The following KANK1 variants were observed in gnomAD, a reference collection of about 807,000 sequenced individuals.
The protein encoded by KANK1 is KN motif and ankyrin repeat domain-containing protein 1.
Under a neutral mutation model 106.2 loss-of-function variants are expected in KANK1, and 109 were observed. The ratio of observed to expected loss-of-function variants is 1.03; its 90% CI spans 0.88 to 1.20. The LOEUF is 1.20. Among genes scored for constraint, KANK1 ranks in the 50% most tolerant of loss-of-function variants. The pLI, the probability that KANK1 is intolerant of heterozygous loss-of-function variation, is 0.00. For synonymous variants in KANK1, 873 were observed against 652.2 expected (o/e 1.34, Z -5.16); for missense variants, 2,399 against 1,710.7 (o/e 1.40, Z -7.10).
At position 732,470 on chromosome 9, in the gene KANK1, A is replaced by T; in HGVS notation, c.3098A>T (p.Glu1033Val). Residue 1033 changes from glutamate to valine, a missense_variant, in exon 6 of 12, where the codon GAA becomes GTA. Physicochemically the swap from Glu to Val is moderately radical, Grantham distance 121. Coordinates refer to ENST00000382297, the MANE Select transcript of KANK1 (RefSeq NM_015158.5). The stretch of plus-strand genomic sequence containing the variant: ...TGTGATGTCATTGAGTATCCTCTTG[A>T]AGAAGAGGAGGAGGAGGAGGATGAA... ...DECDVIEYPL[E>V]EEEEEEDEDT... 6.2e-7 allele frequency: 1 copy of T among 1,613,928 alleles called. No homozygotes were observed. Among genetic ancestry groups the T allele is most frequent in the Non-Finnish European group, 8.5e-7 (1 of 1,179,870 alleles).
At chr9:724,981 G>T (rs1314493527) in intron 3 of KANK1, among the ~76,000 whole-genome samples, 1 of 152,228 alleles carries the variant, frequency 6.6e-6, no homozygotes, top group Non-Finnish European at 1.5e-5. Flanking sequence ...CATATTTGCA[G>T]TTAGGGGACA....
intron 1 of KANK1, among the ~76,000 whole-genome samples, chr9:660,809 C>G (rs1263523122): frequency 1.3e-5 from 2 of 152,174 alleles, no homozygotes; most frequent in Admixed American, 6.5e-5. Flanking sequence ...TGTCTATAAC[C>G]TGACCAGGTG....
At chr9:736,100 G>A (rs183539001) in intron 7 of KANK1, among the ~76,000 whole-genome samples, 168 of 152,208 alleles carry the variant, frequency 1.1e-3, no homozygotes, top group Non-Finnish European at 1.7e-3. Context: ...TGGGACTACC[G>A]GCGTCCACCA....
At position 609,660 on chromosome 9, in the gene KANK1, A is replaced by G. The variant is rs559138436; in HGVS notation, c.-83-67230A>G. On this transcript the variant is annotated intron_variant, in intron 1 of 11. Coordinates refer to ENST00000382297, the MANE Select transcript of KANK1 (RefSeq NM_015158.5). The stretch of plus-strand genomic sequence containing the variant: ...AATAAATAAATAAAATAAAATAATG[A>G]ATAGACTCAATAGACATTGATCCTG... 3.1e-3 allele frequency among the ~76,000 whole-genome samples: 467 copies of G among 152,272 alleles called. 4 individuals carry two copies. Among genetic ancestry groups the G allele is most frequent in the African/African-American group, 9.7e-3 (402 of 41,542 alleles).
At chr9:611,481 T>C (rs2136151117) in intron 1 of KANK1, among the ~76,000 whole-genome samples, 2 of 152,250 alleles carry the variant, frequency 1.3e-5, no homozygotes, top group Admixed American at 1.3e-4. Context: ...TTCAGATGTG[T>C]CTTAGTGCCT....
chr9:687,865 CT>C (rs533972401), intron 2 of KANK1, among the ~76,000 whole-genome samples: 9 of 152,312 alleles, frequency 5.9e-5, no homozygotes, highest in Non-Finnish European at 1.0e-4. Context: ...CGTCACTAAT[CT>C]TATAAACTTG....
At chr9:668,493 T>G (rs894615600) in intron 1 of KANK1, among the ~76,000 whole-genome samples, 1 of 152,208 alleles carries the variant, frequency 6.6e-6, no homozygotes, top group African/African-American at 2.4e-5. Context: ...GATAAATTTC[T>G]GAATGGAGAA....
At chr9:616,430 G>C (rs375979422) in intron 1 of KANK1, among the ~76,000 whole-genome samples, 2 of 152,098 alleles carry the variant, frequency 1.3e-5, no homozygotes, top group Admixed American at 1.3e-4. Context: ...TTTAATTTAC[G>C]AAACCTCTAT....
intron 1 of KANK1, among the ~76,000 whole-genome samples, chr9:653,274 A>G (rs865912985): frequency 6.6e-6 from 1 of 152,046 alleles, no homozygotes; most frequent in Non-Finnish European, 1.5e-5. Context: ...TTCGAGGCCA[A>G]CTGGAAATGA....
chr9:727,456 A>G (rs1830995804), intron 3 of KANK1, among the ~76,000 whole-genome samples: 2 of 151,858 alleles, frequency 1.3e-5, no homozygotes, highest in African/African-American at 4.8e-5. Context: ...GCTCTGGATT[A>G]CAGGCACTCA....
chr9:738,399 G>A lies in KANK1; in HGVS notation c.3448G>A (p.Val1150Ile), dbSNP rs367609791. The part of the protein sequence containing the change: ...IAAFEAISPD[V>I]LRYVINLADG... ...TGCTTTTGAGGCCATTTCCCCAGAT[G>A]TCCTCCGCTATGTCATCAACTTGGC... Residue 1150 changes from valine to isoleucine, a missense_variant, in exon 8 of 12, where the codon GTC (valine) becomes ATC (isoleucine). Transcript: ENST00000382297. 6.2e-6 allele frequency: 10 copies of A among 1,613,996 alleles called. 1 individual carries two copies. In the Admixed American group the frequency reaches 1.7e-4, roughly 27 times the overall value.
Position 492,718 on chromosome 9 carries a change from A to T in KANK1, c.-362+19445A>T, listed in dbSNP as rs142754201. 3.1e-4 allele frequency among the ~76,000 whole-genome samples: 47 copies of T among 152,260 alleles called. 1 individual carries two copies. In the East Asian group the frequency reaches 7.3e-3, roughly 24 times the overall value. On this transcript the variant is annotated intron_variant, in intron 3 of 15. Coordinates refer to the KANK1 transcript ENST00000382303. ...AACCAAAACATGCTTTTGAGAAAAA[A>T]TATCTTATTGTTATTAATAGTTGTG...
Position 738,321 on chromosome 9 carries a change from C to T in KANK1, c.3370C>T (p.Arg1124Cys), listed in dbSNP as rs773671294. 7.4e-6 allele frequency: 12 copies of T among 1,613,898 alleles called. No individual in the cohort carries two copies. The highest frequency in any genetic ancestry group is 3.3e-5 in the South Asian group (3 of 90,978). The part of the protein sequence containing the change: ...CLNTLQHEWF[R>C]VSSQKSAIPA... ...GAACACCCTCCAGCACGAGTGGTTC[C>T]GCGTGTCCAGTCAGAAGTCAGCCAT... Residue 1124 changes from arginine (R) to cysteine (C), a missense_variant, in exon 8 of 12, where the codon CGC becomes TGC. By Grantham distance (180) the Arg-to-Cys change is radical (BLOSUM62 -3). Coordinates refer to ENST00000382297, the MANE Select transcript of KANK1 (RefSeq NM_015158.5).
chr9:653,231 A>G (rs1417820683), intron 1 of KANK1, among the ~76,000 whole-genome samples: 1 of 152,120 alleles, frequency 6.6e-6, no homozygotes, highest in Non-Finnish European at 1.5e-5. Context: ...GGCCCAGAGC[A>G]TTTAAGTAAC....
chr9:684,394 C>A (rs556038705), intron 2 of KANK1: 1 of 985,244 alleles, frequency 1.0e-6, no homozygotes, highest in Non-Finnish European at 1.2e-6. Context: ...TAGGTGCCAA[C>A]AAGAAAGAAA....
intron 1 of KANK1, among the ~76,000 whole-genome samples, chr9:572,170 TC>T (rs56905122): frequency 0.4 from 54,213 of 137,020 alleles, 11,846 homozygotes; most frequent in East Asian, 0.63. Flanking sequence ...TTTTTTTTTT[TC>T]TAAGAGACAG....
At chr9:596,183 C>T (rs1158854784) in intron 1 of KANK1, among the ~76,000 whole-genome samples, 1 of 151,870 alleles carries the variant, frequency 6.6e-6, no homozygotes, top group Non-Finnish European at 1.5e-5. Flanking sequence ...CTTTTGGTGT[C>T]ATGTCAGCAT....
In KANK1 at chr9:711,895, C is replaced by G; in HGVS notation, c.1129C>G (p.Leu377Val). 6.2e-7 allele frequency: 1 copy of G among 1,614,164 alleles called. No homozygotes were observed. The highest frequency in any genetic ancestry group is 8.5e-7 in the Non-Finnish European group (1 of 1,180,028). The change falls in exon 3 of 12, where the codon CTG becomes GTG. Residue 377 changes from leucine to valine, a missense_variant. Coordinates refer to ENST00000382297, the MANE Select transcript of KANK1 (RefSeq NM_015158.5). ...GCAACTTACAGCAGACATGCAAGCC[C>G]TGGAGCAGAAGATCCAGGACAGCAG... ...FRQLTADMQA[L>V]EQKIQDSSCE... is the part of the protein sequence containing the mutation.
At chr9:728,181 C>CTT (rs988721829) in intron 3 of KANK1, among the ~76,000 whole-genome samples, 9 of 152,142 alleles carry the variant, frequency 5.9e-5, no homozygotes, top group South Asian at 2.1e-4. Flanking sequence ...TGTATTTTGT[C>CTT]TTTTTTTGTT....
Sources: allele counts gnomAD v4.1 joint callset (sites outside exome capture counted in the v4.1 genomes callset), GRCh38; gene constraint gnomAD v4.1.1; transcripts MANE v1.5; gene names NCBI Gene and HGNC (gene_info 2026-07-23, HGNC 2026-07-21).